The following UPRT variants were observed in gnomAD, a reference collection of about 807,000 sequenced individuals.
The protein encoded by UPRT is uracil phosphoribosyltransferase homolog, also known as RP11-311P8.3.
Under a neutral mutation model 22.6 loss-of-function variants are expected in UPRT, and 5 were observed. That is an observed-to-expected ratio of 0.22 (90% CI 0.12 to 0.47). The LOEUF (loss-of-function observed/expected upper bound fraction) is 0.47. Ranked by LOEUF, UPRT falls within the 20% of genes least tolerant of loss-of-function variation. UPRT has a pLI of 0.99. For synonymous variants in UPRT, 77 were observed against 87.7 expected (o/e 0.88, Z 0.68); for missense variants, 181 against 239.9 (o/e 0.75, Z 1.62).
intron 4 of UPRT, among the ~76,000 whole-genome samples, chrX:75,176,005 C>A (rs1290257216): frequency 9.0e-6 from 1 of 111,475 alleles, no homozygotes; most frequent in Non-Finnish European, 1.9e-5. Context: ...GGGTGATAAA[C>A]TTATCTTTTA....
intron 4 of UPRT, among the ~76,000 whole-genome samples, chrX:75,218,013 C>T (rs1368607710): frequency 9.0e-6 from 1 of 111,578 alleles, no homozygotes; most frequent in Non-Finnish European, 1.9e-5. Context: ...AAAGCAATGG[C>T]AACAAAAGCC....
intron 4 of UPRT, among the ~76,000 whole-genome samples, chrX:75,169,075 C>A (rs1358540227): frequency 9.0e-6 from 1 of 111,712 alleles, no homozygotes; most frequent in Non-Finnish European, 1.9e-5. Context: ...TAATAGTCTC[C>A]AATCCCATCC....
At chrX:75,260,085 T>C (rs1382868768) in intron 4 of UPRT, among the ~76,000 whole-genome samples, 2 of 111,802 alleles carry the variant, frequency 1.8e-5, no homozygotes, top group African/African-American at 6.5e-5. Context: ...CAGGCCTGCC[T>C]TACAAGAGCT....
intron 4 of UPRT, among the ~76,000 whole-genome samples, chrX:75,171,559 G>T (rs1350965527): frequency 9.1e-6 from 1 of 110,205 alleles, no homozygotes; most frequent in East Asian, 2.8e-4. Context: ...TTGACCTTCC[G>T]CATTCTTTTT....
chrX:75,175,020 T>C (rs1330008262), intron 4 of UPRT, among the ~76,000 whole-genome samples: 2 of 110,929 alleles, frequency 1.8e-5, no homozygotes, highest in Non-Finnish European at 3.8e-5. Context: ...CGTTCTCTGA[T>C]GTTTTTCTCT....
chrX:75,165,943 A>G (rs1013154779), intron 3 of UPRT, among the ~76,000 whole-genome samples: 16 of 111,593 alleles, frequency 1.4e-4, no homozygotes, highest in Non-Finnish European at 2.6e-4. Context: ...GAATTCACAT[A>G]TCATGGAAAG....
rs765878763 is a variant in UPRT, at chrX:75,163,567, G to A, written c.-521+342G>A. 5.4e-3 allele frequency among the ~76,000 whole-genome samples: 601 copies of A among 111,622 alleles called. 1 individual carries two copies. The highest frequency in any genetic ancestry group is 0.019 in the African/African-American group (573 of 30,728). On this transcript the variant is annotated intron_variant, in intron 3 of 13. Coordinates refer to the UPRT transcript ENST00000652605. ...GTGGCCATCTTAGAATTCTGCCTAT[G>A]ACAAAAAACTGGGGTTGCAGATCAA...
intron 4 of UPRT, among the ~76,000 whole-genome samples, chrX:75,168,806 GGCATGAGCCACTGT>G (rs2082219330): frequency 9.0e-6 from 1 of 111,442 alleles, no homozygotes; most frequent in Admixed American, 9.5e-5. Flanking sequence ...TGGGATTACG[GGCATGAGCCACTGT>G]GCCTGGCTGT....
intron 4 of UPRT, among the ~76,000 whole-genome samples, chrX:75,245,733 C>G (rs757355545): frequency 5.1e-4 from 57 of 111,480 alleles, no homozygotes; most frequent in African/African-American, 1.8e-3. Context: ...TAAGTGGGAG[C>G]TAAACACTGA....
intron 4 of UPRT, among the ~76,000 whole-genome samples, chrX:75,252,145 G>A (rs2082532727): frequency 8.9e-6 from 1 of 112,007 alleles, no homozygotes; most frequent in Non-Finnish European, 1.9e-5. Flanking sequence ...TCAGGACATA[G>A]GCATGTGTAA....
At chrX:75,186,619 G>C (rs1014427228) in intron 4 of UPRT, among the ~76,000 whole-genome samples, 13 of 111,396 alleles carry the variant, frequency 1.2e-4, no homozygotes, top group African/African-American at 4.3e-4. Context: ...GTTGACAGTG[G>C]GGTGTTAAAA....
At chrX:75,225,304 A>ACAAAAC (rs1569268901) in intron 4 of UPRT, among the ~76,000 whole-genome samples, 2 of 97,372 alleles carry the variant, frequency 2.1e-5, no homozygotes, top group African/African-American at 3.7e-5. Flanking sequence ...CTCTACAAAA[A>ACAAAAC]CAAAACCAAA....
upstream of UPRT, chrX:75,274,018 G>T: frequency 2.6e-6 from 1 of 386,168 alleles, no homozygotes; most frequent in East Asian, 4.2e-5. Flanking sequence ...GCGCCGCAGA[G>T]TGGCGGGGAG....
chrX:75,190,776 C>G (rs1468581277), intron 4 of UPRT, among the ~76,000 whole-genome samples: 2 of 112,180 alleles, frequency 1.8e-5, no homozygotes, highest in Non-Finnish European at 3.8e-5. Context: ...GAATTGGTTA[C>G]TGAAGCTTGT....
At chrX:75,274,697 G>A (rs2082624207) in intron 1 of UPRT, 57 bp downstream of exon 1, 1 of 1,123,763 alleles carries the variant, frequency 8.9e-7, no homozygotes, top group African/African-American at 1.8e-5. Flanking sequence ...CTGTGGGCGG[G>A]GATTGGAAGT....
chrX:75,299,781 A>G lies in UPRT; in HGVS notation c.609A>G (p.Arg203=). The part of the protein sequence containing the change: ...QGLRDCCRSI[R]IGKILIQSDE... The stretch of plus-strand genomic sequence containing the variant: ...TACGAGACTGCTGTCGATCCATACG[A>G]ATTGGAAAGATCCTGATTCAGAGTG... The change falls in exon 5 of 7, where the codon CGA becomes CGG. Residue 203 remains arginine, a synonymous_variant. Transcript: ENST00000373383. The G allele has an allele frequency of 8.3e-7, 1 of 1,211,345 alleles. No individual in the cohort carries two copies. The highest frequency in any genetic ancestry group is 1.8e-5 in the South Asian group (1 of 56,922).
chrX:75,251,006 C>T (rs1225058009), intron 4 of UPRT, among the ~76,000 whole-genome samples: 1 of 111,778 alleles, frequency 8.9e-6, no homozygotes, highest in Non-Finnish European at 1.9e-5. Flanking sequence ...TGACAAAATT[C>T]AACAGCCATT....
At chrX:75,255,281 C>T (rs2082546096) in intron 4 of UPRT, among the ~76,000 whole-genome samples, 1 of 111,251 alleles carries the variant, frequency 9.0e-6, no homozygotes, top group Non-Finnish European at 1.9e-5. Context: ...AAAAAAGATA[C>T]AGTCTTTTTC....
At position 75,284,709 on chromosome X, in the gene UPRT, G is replaced by T. The variant is rs771725434; in HGVS notation, c.387-8763G>T. Among the ~76,000 whole-genome samples, 39 of 111,436 alleles carry T rather than the reference G, an allele frequency of 3.5e-4. 1 individual carries two copies. The highest frequency in any genetic ancestry group is 6.6e-4 in the Non-Finnish European group (35 of 53,030). On this transcript the variant is annotated intron_variant, in intron 1 of 6. Coordinates refer to ENST00000373383, the MANE Select transcript of UPRT (RefSeq NM_145052.4). ...TGTTCCAGTGGAGGTGGCAGGGGGG[G>T]GTGCAGTGGACTCCATTATGGTTTT...
Sources: gnomAD v4.1 joint callset for allele counts (sites outside exome capture counted in the v4.1 genomes callset) on GRCh38, gnomAD v4.1.1 for gene constraint, MANE v1.5 for transcripts, NCBI Gene and HGNC (gene_info 2026-07-23, HGNC 2026-07-21) for gene names.